ARB2A: variants seen among roughly 807,000 people sequenced by gnomAD.
The protein encoded by ARB2A is cotranscriptional regulator ARB2A.
the ARB2A span, among the ~76,000 whole-genome samples, chr5:93,810,701 C>T: frequency 6.6e-6 from 1 of 152,082 alleles, no homozygotes; most frequent in Non-Finnish European, 1.5e-5. Flanking sequence ...AGCCACTGTA[C>T]CTGGCATAAA....
the ARB2A span, among the ~76,000 whole-genome samples, chr5:93,764,769 G>T: frequency 6.6e-6 from 1 of 152,150 alleles, no homozygotes; most frequent in African/African-American, 2.4e-5. Context: ...CCAATACCCT[G>T]ATGAACATCG....
At chr5:94,078,581 A>T in the ARB2A span, among the ~76,000 whole-genome samples, 3 of 152,130 alleles carry the variant, frequency 2.0e-5, no homozygotes, top group African/African-American at 7.2e-5. Flanking sequence ...CCAGGGTAAT[A>T]AGGGCCCCTG....
the ARB2A span, among the ~76,000 whole-genome samples, chr5:93,822,352 C>T: frequency 6.6e-6 from 1 of 152,168 alleles, no homozygotes; most frequent in Non-Finnish European, 1.5e-5. Context: ...AGGACTGACA[C>T]ACTGGTCATC....
chr5:94,087,977 T>C, the ARB2A span, among the ~76,000 whole-genome samples: 1 of 152,134 alleles, frequency 6.6e-6, no homozygotes, highest in Non-Finnish European at 1.5e-5. Flanking sequence ...TCTCAGAAAA[T>C]ATCCCCAACA....
At chr5:94,027,412 G>A in the ARB2A span, among the ~76,000 whole-genome samples, 2 of 152,202 alleles carry the variant, frequency 1.3e-5, no homozygotes, top group Admixed American at 1.3e-4. Context: ...AAGGAGGAGA[G>A]AGGGGCTGAA....
At chr5:93,657,748 A>G in the ARB2A span, among the ~76,000 whole-genome samples, 12 of 152,186 alleles carry the variant, frequency 7.9e-5, no homozygotes. Context: ...TGTAAGTGGC[A>G]TTAAAATGAA....
the ARB2A span, among the ~76,000 whole-genome samples, chr5:93,856,001 A>G: frequency 6.6e-6 from 1 of 152,088 alleles, no homozygotes; most frequent in Admixed American, 6.6e-5. Context: ...AAGGCTTCAG[A>G]TGATCAAACT....
At chr5:93,901,494 A>G in the ARB2A span, among the ~76,000 whole-genome samples, 2 of 152,160 alleles carry the variant, frequency 1.3e-5, no homozygotes, top group Non-Finnish European at 2.9e-5. Flanking sequence ...TCCAGTTGTT[A>G]TGCCAATTAT....
the ARB2A span, among the ~76,000 whole-genome samples, chr5:94,033,932 G>A: frequency 6.6e-6 from 1 of 152,182 alleles, no homozygotes; most frequent in Admixed American, 6.5e-5. Flanking sequence ...TTATTTCTCA[G>A]GACTGGATTA....
At chr5:93,708,697 G>C in the ARB2A span, among the ~76,000 whole-genome samples, 3 of 152,108 alleles carry the variant, frequency 2.0e-5, no homozygotes, top group African/African-American at 7.2e-5. Flanking sequence ...CCAGGGACCA[G>C]TACTGGTCCA....
At chr5:93,986,919 T>C in the ARB2A span, among the ~76,000 whole-genome samples, 3 of 152,068 alleles carry the variant, frequency 2.0e-5, no homozygotes, top group African/African-American at 7.2e-5. Context: ...CCAGAGACCT[T>C]TGTTCACATG....
the ARB2A span, among the ~76,000 whole-genome samples, chr5:93,989,205 T>C: frequency 6.6e-6 from 1 of 152,078 alleles, no homozygotes; most frequent in East Asian, 1.9e-4. Context: ...AAATAAGATA[T>C]AAGACTATAA....
At chr5:94,061,281 C>T in the ARB2A span, among the ~76,000 whole-genome samples, 1 of 152,038 alleles carries the variant, frequency 6.6e-6, no homozygotes, top group African/African-American at 2.4e-5. Flanking sequence ...TTAAAACCTC[C>T]CAGCAAGCAT....
At chr5:94,010,013 T>C in the ARB2A span, among the ~76,000 whole-genome samples, 4 of 151,918 alleles carry the variant, frequency 2.6e-5, no homozygotes, top group African/African-American at 9.7e-5. Context: ...TTTATTAATA[T>C]TTCTTTATTG....
the ARB2A span, among the ~76,000 whole-genome samples, chr5:94,094,376 A>T: frequency 6.6e-6 from 1 of 152,140 alleles, no homozygotes; most frequent in Admixed American, 6.5e-5. Flanking sequence ...TTACGAAGAC[A>T]CTAATCCTAT....
the ARB2A span, among the ~76,000 whole-genome samples, chr5:93,826,341 A>C: frequency 6.6e-6 from 1 of 152,198 alleles, no homozygotes; most frequent in African/African-American, 2.4e-5. Flanking sequence ...GAAATTTTAT[A>C]ATAAATTATT....
chr5:93,968,919 C>A, the ARB2A span, among the ~76,000 whole-genome samples: 1 of 151,758 alleles, frequency 6.6e-6, no homozygotes, highest in African/African-American at 2.4e-5. Flanking sequence ...TGAAAGAAAC[C>A]CCACCAACCT....
the ARB2A span, among the ~76,000 whole-genome samples, chr5:93,639,738 T>C: frequency 1.3e-5 from 2 of 152,090 alleles, no homozygotes; most frequent in Non-Finnish European, 2.9e-5. Context: ...TAAACTGATA[T>C]AAAGTCCCAC....
the ARB2A span, among the ~76,000 whole-genome samples, chr5:93,766,026 C>T: frequency 2.0e-5 from 3 of 152,114 alleles, no homozygotes; most frequent in African/African-American, 4.8e-5. Context: ...ACACCTTATA[C>T]AAAAATTAAT....
Sources: gnomAD v4.1 joint callset for allele counts (sites outside exome capture counted in the v4.1 genomes callset) on GRCh38, gnomAD v4.1.1 for gene constraint, MANE v1.5 for transcripts, NCBI Gene and HGNC (gene_info 2026-07-23, HGNC 2026-07-21) for gene names.